The following AGMO variants were observed in gnomAD, a reference collection of about 807,000 sequenced individuals.
The protein encoded by AGMO is alkylglycerol monooxygenase.
AGMO carries 75 observed loss-of-function variants against 60.2 expected under a neutral mutation model. The ratio of observed to expected loss-of-function variants is 1.25; its 90% CI spans 1.03 to 1.51. The LOEUF is 1.51. Among genes scored for constraint, AGMO ranks in the 40% most tolerant of loss-of-function variants. AGMO has a pLI of 0.00. For synonymous variants in AGMO, 261 were observed against 177.1 expected, an observed-to-expected ratio of 1.47 and a Z score of -3.76; for missense variants, 763 against 525.5, an observed-to-expected ratio of 1.45 and a Z score of -4.42.
chr7:15,296,568 G>A (rs1379520034), intron 12 of AGMO, among the ~76,000 whole-genome samples: 4 of 151,592 alleles, frequency 2.6e-5, no homozygotes, highest in African/African-American at 9.8e-5. Flanking sequence ...TCTTCCTCAT[G>A]GTTTACATCA....
chr7:15,220,061 G>C (rs1413959419), intron 12 of AGMO, among the ~76,000 whole-genome samples: 2 of 151,968 alleles, frequency 1.3e-5, no homozygotes, highest in Non-Finnish European at 2.9e-5. Flanking sequence ...CTTGCTCATG[G>C]AATCTTCTAT....
At chr7:15,388,856 G>C (rs538064111) in intron 8 of AGMO, among the ~76,000 whole-genome samples, 7 of 152,270 alleles carry the variant, frequency 4.6e-5, no homozygotes, top group Admixed American at 1.3e-4. Flanking sequence ...GACAATGTAA[G>C]TAAACATGTA....
At chr7:15,381,364 C>T (rs1366899338) in intron 10 of AGMO, among the ~76,000 whole-genome samples, 3 of 151,456 alleles carry the variant, frequency 2.0e-5, no homozygotes, top group African/African-American at 4.9e-5. Flanking sequence ...AAAAAGTGGG[C>T]GAAGAACACG....
intron 10 of AGMO, among the ~76,000 whole-genome samples, chr7:15,367,738 A>C (rs1783041562): frequency 6.6e-6 from 1 of 152,086 alleles, no homozygotes; most frequent in Admixed American, 6.6e-5. Flanking sequence ...TGAGTTCCCT[A>C]CTCACTGGTG....
At chr7:15,143,463 T>C in the AGMO span, among the ~76,000 whole-genome samples, 1 of 152,310 alleles carries the variant, frequency 6.6e-6, no homozygotes, top group South Asian at 2.1e-4. Flanking sequence ...CATGACACAC[T>C]GGATGCCAAC....
Position 15,526,174 on chromosome 7 carries a change from G to C in AGMO, c.409+18598C>G, listed in dbSNP as rs139220998. Among the ~76,000 whole-genome samples the C allele has an allele frequency of 2.9e-4, 44 of 152,294 alleles. No homozygotes were observed. The East Asian group carries it at 7.9e-3, about 27-fold the overall frequency. ...TGTCTCCTGCAGCGAACCCGGGTGG[G>C]AGCAAGGCCTGGGCAGGGGCGTTGC... On this transcript the variant is annotated intron_variant, in intron 3 of 12. Transcript: ENST00000342526.
the AGMO span, among the ~76,000 whole-genome samples, chr7:15,144,876 C>T: frequency 6.6e-6 from 1 of 152,224 alleles, no homozygotes; most frequent in Non-Finnish European, 1.5e-5. Flanking sequence ...GCCGCCCAGG[C>T]TGGAGTGCAG....
chr7:15,375,455 G>A (rs1395340134), intron 10 of AGMO, among the ~76,000 whole-genome samples: 1 of 133,654 alleles, frequency 7.5e-6, no homozygotes, highest in African/African-American at 2.9e-5. Flanking sequence ...GAGTGCAGTA[G>A]CACAATCTTG....
Position 15,360,586 on chromosome 7 carries a change from G to A in AGMO, c.1263+4928C>T, listed in dbSNP as rs555999915. Among the ~76,000 whole-genome samples, 7 of 152,282 alleles carry A rather than the reference G, an allele frequency of 4.6e-5. No homozygotes were observed. The East Asian group carries it at 9.6e-4, about 21-fold the overall frequency. Reference sequence around the variant, plus strand: ...TCTTCATGTTAAGTAGTCTGAGGAGGAGGAGGAAGAGGTGGGTTTGGCCTT... The same window carrying A: ...TCTTCATGTTAAGTAGTCTGAGGAGAAGGAGGAAGAGGTGGGTTTGGCCTT... On this transcript the variant is annotated intron_variant, in intron 12 of 12. Transcript: ENST00000342526.
intron 10 of AGMO, among the ~76,000 whole-genome samples, chr7:15,371,880 A>C (rs1372516506): frequency 6.6e-6 from 1 of 151,772 alleles, no homozygotes; most frequent in Non-Finnish European, 1.5e-5. Context: ...AAATAAATTC[A>C]ACTAAATTAT....
rs185171790 is a variant in AGMO, at chr7:15,394,801, C to T, written c.610-622G>A. 8.0e-4 allele frequency among the ~76,000 whole-genome samples: 122 copies of T among 152,254 alleles called. 1 individual carries two copies. The highest frequency in any genetic ancestry group is 2.9e-3 in the African/African-American group (119 of 41,532). On this transcript the variant is annotated intron_variant, in intron 5 of 12. Transcript: ENST00000342526. ...GTGATCCTACTTATTCAAATAGAAT[C>T]CTAAATCATCTCTTACCTTTAGAGG...
At chr7:15,127,322 T>C in the AGMO span, among the ~76,000 whole-genome samples, 1 of 152,166 alleles carries the variant, frequency 6.6e-6, no homozygotes. Flanking sequence ...TTAAGACTCA[T>C]TGTTGCCAAG....
intron 12 of AGMO, among the ~76,000 whole-genome samples, chr7:15,303,900 C>T (rs1224493925): frequency 6.6e-6 from 1 of 152,092 alleles, no homozygotes; most frequent in African/African-American, 2.4e-5. Context: ...CTCTGATAAT[C>T]TCTTAAACTT....
At chr7:15,360,435 T>C (rs1238593029) in intron 12 of AGMO, among the ~76,000 whole-genome samples, 1 of 152,182 alleles carries the variant, frequency 6.6e-6, no homozygotes, top group Admixed American at 6.5e-5. Flanking sequence ...GAACAGACGA[T>C]TAACACATAT....
At position 15,228,511 on chromosome 7, in the gene AGMO, C is replaced by T. The variant is rs149775173; in HGVS notation, c.1264-27152G>A. Among the ~76,000 whole-genome samples the T allele has an allele frequency of 6.3e-3, 963 of 152,150 alleles. 7 individuals are homozygous for T. The highest frequency in any genetic ancestry group is 0.022 in the African/African-American group (913 of 41,524). The stretch of plus-strand genomic sequence containing the variant: ...ATAGTTGTGAAGGAGTCAACTGAAA[C>T]AGCCAGAGTACACAAGGAGAAAATA... On this transcript the variant is annotated intron_variant, in intron 12 of 12. Transcript: ENST00000342526.
intron 3 of AGMO, among the ~76,000 whole-genome samples, chr7:15,452,600 T>C (rs1227314222): frequency 2.0e-5 from 3 of 152,196 alleles, no homozygotes; most frequent in Non-Finnish European, 2.9e-5. Context: ...TTAGTGAGGA[T>C]GTGGAGAAGT....
chr7:15,435,273 T>C (rs941417089), intron 3 of AGMO, among the ~76,000 whole-genome samples: 1 of 151,926 alleles, frequency 6.6e-6, no homozygotes, highest in Non-Finnish European at 1.5e-5. Flanking sequence ...TACATTTACC[T>C]TGTTAAGGAC....
At chr7:15,478,755 T>C (rs1229959058) in intron 3 of AGMO, among the ~76,000 whole-genome samples, 1 of 152,196 alleles carries the variant, frequency 6.6e-6, no homozygotes, top group Non-Finnish European at 1.5e-5. Context: ...TATTAAAGCC[T>C]GTTCAGGTCA....
At chr7:15,337,838 G>A (rs1438969457) in intron 12 of AGMO, among the ~76,000 whole-genome samples, 2 of 152,140 alleles carry the variant, frequency 1.3e-5, no homozygotes, top group African/African-American at 2.4e-5. Context: ...GATATATTAG[G>A]CACCTGGGCT....
Sources: gnomAD v4.1 joint callset for allele counts (sites outside exome capture counted in the v4.1 genomes callset) on GRCh38, gnomAD v4.1.1 for gene constraint, MANE v1.5 for transcripts, NCBI Gene and HGNC (gene_info 2026-07-23, HGNC 2026-07-21) for gene names.